NKAIN2: variants seen among roughly 807,000 people sequenced by gnomAD.
NKAIN2 encodes sodium/potassium transporting ATPase interacting 2.
NKAIN2 carries 14 observed loss-of-function variants against 32.6 expected under a neutral mutation model. That is an observed-to-expected ratio of 0.43 (90% CI 0.28 to 0.67). The LOEUF (loss-of-function observed/expected upper bound fraction) is 0.67. NKAIN2 is among the 30% of genes least tolerant of loss of function. The pLI is 0.17. For synonymous variants in NKAIN2, 80 were observed against 87.2 expected, an observed-to-expected ratio of 0.92 and a Z score of 0.46; for missense variants, 198 against 258.3, an observed-to-expected ratio of 0.77 and a Z score of 1.60.
At chr6:124,711,620 A>C (rs1362134424) in intron 4 of NKAIN2, among the ~76,000 whole-genome samples, 2 of 150,326 alleles carry the variant, frequency 1.3e-5, no homozygotes, top group East Asian at 4.0e-4. Flanking sequence ...TCGGCTCCTG[A>C]GGCTTCTGCA....
intron 3 of NKAIN2, among the ~76,000 whole-genome samples, chr6:124,550,800 G>T (rs1343002829): frequency 2.0e-5 from 3 of 152,184 alleles, no homozygotes; most frequent in Admixed American, 6.5e-5. Flanking sequence ...GAAAAAGAGA[G>T]AACATGGCTC....
intron 1 of NKAIN2, among the ~76,000 whole-genome samples, chr6:124,144,967 G>T (rs925120030): frequency 8.5e-5 from 13 of 152,098 alleles, no homozygotes; most frequent in African/African-American, 2.2e-4. Context: ...ACAGGCAAAA[G>T]ACATGGTCAG....
At chr6:124,516,269 G>A (rs940881689) in intron 3 of NKAIN2, among the ~76,000 whole-genome samples, 2 of 152,126 alleles carry the variant, frequency 1.3e-5, no homozygotes, top group South Asian at 4.1e-4. Context: ...ATTTTACAAA[G>A]AGAAGGCAAC....
At chr6:124,158,134 A>G (rs1022041177) in intron 1 of NKAIN2, among the ~76,000 whole-genome samples, 1 of 152,182 alleles carries the variant, frequency 6.6e-6, no homozygotes, top group African/African-American at 2.4e-5. Flanking sequence ...CTCACAGTTC[A>G]AATGTCAAAG....
At chr6:124,641,530 CTTTTTTTTTTTTTTTTTTTTT>C (rs755033671) in intron 3 of NKAIN2, among the ~76,000 whole-genome samples, 17 of 19,500 alleles carry the variant, frequency 8.7e-4, no homozygotes, top group South Asian at 2.2e-3. Flanking sequence ...AAAACACTAG[CTTTTTTTTTTTTTTTTTTTTT>C]TTTTTTTTTT....
chr6:124,766,474 T>C (rs1039208955), intron 4 of NKAIN2, among the ~76,000 whole-genome samples: 13 of 152,304 alleles, frequency 8.5e-5, no homozygotes, highest in African/African-American at 2.2e-4. Context: ...CTCCGTTGCC[T>C]ACTCACAAAA....
At chr6:124,280,689 C>G (rs1009966853) in intron 1 of NKAIN2, among the ~76,000 whole-genome samples, 2 of 152,190 alleles carry the variant, frequency 1.3e-5, no homozygotes, top group Non-Finnish European at 2.9e-5. Context: ...GTCCACTATA[C>G]AGGCCCCTCA....
intron 3 of NKAIN2, among the ~76,000 whole-genome samples, chr6:124,409,653 CTCTTT>C (rs1774056502): frequency 6.6e-6 from 1 of 152,062 alleles, no homozygotes; most frequent in South Asian, 2.1e-4. Flanking sequence ...GTCTAAAATT[CTCTTT>C]TCTTGTTGTG....
intron 1 of NKAIN2, among the ~76,000 whole-genome samples, chr6:123,945,938 T>C (rs1025046021): frequency 6.6e-6 from 1 of 152,194 alleles, no homozygotes; most frequent in African/African-American, 2.4e-5. Context: ...CTGTAATTTA[T>C]GGTAACATCT....
At chr6:123,929,601 T>C (rs1448373663) in intron 1 of NKAIN2, among the ~76,000 whole-genome samples, 1 of 152,162 alleles carries the variant, frequency 6.6e-6, no homozygotes, top group Non-Finnish European at 1.5e-5. Flanking sequence ...GATAAATCTA[T>C]TATGAAGTAT....
At position 124,270,059 on chromosome 6, in the gene NKAIN2, G is replaced by A. The variant is rs149756334; in HGVS notation, c.55-12946G>A. ...ACTTGAGGAAGGAAAGAGCAGATGG[G>A]AGGGAAGGGAGACAGAGGAGACACC... On this transcript the variant is annotated intron_variant, in intron 1 of 6. Coordinates refer to ENST00000368417, the MANE Select transcript of NKAIN2 (RefSeq NM_001040214.3). Among the ~76,000 whole-genome samples, 618 of 152,312 alleles carry A rather than the reference G, an allele frequency of 4.1e-3. 3 individuals are homozygous for A. Among genetic ancestry groups the A allele is most frequent in the African/African-American group, 0.012 (512 of 41,570 alleles).
At chr6:124,259,928 G>A (rs779143392) in intron 1 of NKAIN2, among the ~76,000 whole-genome samples, 2 of 152,078 alleles carry the variant, frequency 1.3e-5, no homozygotes, top group Non-Finnish European at 2.9e-5. Context: ...TCTGCTTTCT[G>A]ACAAAGTATA....
chr6:124,387,784 G>T (rs116345145), intron 3 of NKAIN2, among the ~76,000 whole-genome samples: 2,613 of 152,162 alleles, frequency 0.017, 59 homozygotes, highest in African/African-American at 0.059. Context: ...AATATAATCT[G>T]TGCCTTGTAT....
intron 4 of NKAIN2, among the ~76,000 whole-genome samples, chr6:124,687,987 G>A (rs924122659): frequency 6.6e-5 from 10 of 151,628 alleles, no homozygotes; most frequent in African/African-American, 2.2e-4. Context: ...CCAGCAACCA[G>A]CTATTATGCT....
intron 3 of NKAIN2, among the ~76,000 whole-genome samples, chr6:124,484,844 TGGG>T (rs1777590014): frequency 6.6e-6 from 1 of 152,100 alleles, no homozygotes; most frequent in Admixed American, 6.5e-5. Flanking sequence ...TATGTCCTGT[TGGG>T]GGTGCAGGAC....
intron 3 of NKAIN2, among the ~76,000 whole-genome samples, chr6:124,602,077 C>T (rs1253292715): frequency 6.6e-6 from 1 of 152,012 alleles, no homozygotes; most frequent in African/African-American, 2.4e-5. Flanking sequence ...CCCTTTCGGG[C>T]TCCCTACATT....
Position 124,437,872 on chromosome 6 carries a change from A to ATTT in NKAIN2, c.273+82542_273+82544dup, listed in dbSNP as rs374033234. ...GTAGGGAATACGTACTGATCTATTG[A>ATTT]TTTTTTTTTTTTTTTTTTTCTTAAC... is the stretch of plus-strand genomic sequence containing the variant. On this transcript the variant is annotated intron_variant, in intron 3 of 6. Transcript: ENST00000368417. 7.9e-3 allele frequency: 2,710 copies of ATTT among 343,164 alleles called. 11 individuals are homozygous for ATTT. Among genetic ancestry groups the ATTT allele is most frequent in the South Asian group, 0.013 (578 of 44,808 alleles). The allele number at this position is 343,164 out of a possible 1,614,324, so 21.3% of individuals were successfully genotyped here.
intron 3 of NKAIN2, among the ~76,000 whole-genome samples, chr6:124,650,025 A>G (rs1217229593): frequency 6.6e-6 from 1 of 152,120 alleles, no homozygotes; most frequent in African/African-American, 2.4e-5. Context: ...GAGTACCTAT[A>G]AAAAAATCTA....
chr6:124,223,670 C>T (rs1197084047), intron 1 of NKAIN2, among the ~76,000 whole-genome samples: 1 of 152,154 alleles, frequency 6.6e-6, no homozygotes, highest in Non-Finnish European at 1.5e-5. Flanking sequence ...AAGTTAACTT[C>T]ATTTTCTTGA....
Sources: gnomAD v4.1 joint callset for allele counts (sites outside exome capture counted in the v4.1 genomes callset) on GRCh38, gnomAD v4.1.1 for gene constraint, MANE v1.5 for transcripts, NCBI Gene and HGNC (gene_info 2026-07-23, HGNC 2026-07-21) for gene names.